Variants in SH3RF3 observed in about 807,000 individuals in gnomAD.
SH3RF3 encodes the protein SH3 domain containing ring finger 3, also known as E3 ubiquitin-protein ligase SH3RF3.
In SH3RF3, 29 loss-of-function variants were observed where a neutral mutation model predicts 66.3. The observed-to-expected ratio is 0.44, with a 90% CI of 0.33 to 0.60. The LOEUF is 0.60. Among genes scored for constraint, SH3RF3 ranks in the 20% least tolerant of loss-of-function variants. SH3RF3 has a pLI of 0.04. For synonymous variants in SH3RF3, 583 were observed against 532.0 expected (o/e 1.10, Z -1.32); for missense variants, 1,194 against 1,190.9 (o/e 1.00, Z -0.04).
At chr2:109,346,011 G>A (rs1372391802) in intron 1 of SH3RF3, among the ~76,000 whole-genome samples, 1 of 152,232 alleles carries the variant, frequency 6.6e-6, no homozygotes, top group African/African-American at 2.4e-5. Flanking sequence ...CTGTGTGGCA[G>A]TGGAATTATT....
At chr2:109,312,471 C>T (rs1681753174) in intron 1 of SH3RF3, among the ~76,000 whole-genome samples, 1 of 152,086 alleles carries the variant, frequency 6.6e-6, no homozygotes, top group African/African-American at 2.4e-5. Flanking sequence ...CAGAAGTTTC[C>T]TTTTGGGAAG....
intron 1 of SH3RF3, among the ~76,000 whole-genome samples, chr2:109,235,814 C>T (rs1679633826): frequency 6.6e-6 from 1 of 152,226 alleles, no homozygotes; most frequent in Non-Finnish European, 1.5e-5. Flanking sequence ...GTGCACTCGG[C>T]ACCAGGGTGG....
At chr2:109,479,201 G>A (rs1051098088) in intron 8 of SH3RF3, among the ~76,000 whole-genome samples, 3 of 152,164 alleles carry the variant, frequency 2.0e-5, no homozygotes, top group Non-Finnish European at 4.4e-5. Flanking sequence ...TCAGGGTCAC[G>A]CAGTGGCATC....
intron 4 of SH3RF3, among the ~76,000 whole-genome samples, chr2:109,412,743 CTT>C (rs149764878): frequency 0.013 from 1,909 of 152,344 alleles, 45 homozygotes; most frequent in African/African-American, 0.044. Flanking sequence ...ACCATTGTCA[CTT>C]GATATTAAAG....
At chr2:109,392,748 C>G (rs966918011) in intron 3 of SH3RF3, among the ~76,000 whole-genome samples, 37 of 152,218 alleles carry the variant, frequency 2.4e-4, no homozygotes, top group African/African-American at 8.4e-4. Flanking sequence ...ATCTCCTGAC[C>G]TTGTGATCCG....
At chr2:109,432,369 A>G (rs1311620657) in intron 5 of SH3RF3, 132 bp from the exon 6 acceptor site, 19 of 1,158,100 alleles carry the variant, frequency 1.6e-5, no homozygotes, top group Non-Finnish European at 1.2e-6. Context: ...TGTAAACTGC[A>G]GAGCCCCCAT....
At chr2:109,282,225 T>C (rs1412178926) in intron 1 of SH3RF3, among the ~76,000 whole-genome samples, 1 of 152,170 alleles carries the variant, frequency 6.6e-6, no homozygotes, top group Non-Finnish European at 1.5e-5. Context: ...ACCTGCATCT[T>C]TCCTTTACAC....
At chr2:109,321,139 G>T (rs532360288) in intron 1 of SH3RF3, among the ~76,000 whole-genome samples, 15 of 152,230 alleles carry the variant, frequency 9.9e-5, no homozygotes, top group Admixed American at 2.0e-4. Context: ...CACACAAGAC[G>T]CCATGTGCAT....
chr2:109,428,255 GA>G (rs1677090893), intron 5 of SH3RF3, among the ~76,000 whole-genome samples: 1 of 152,262 alleles, frequency 6.6e-6, no homozygotes, highest in Non-Finnish European at 1.5e-5. Context: ...ATCTAGAGGA[GA>G]AAGGGGATGA....
intron 8 of SH3RF3, 112 bp from the exon 9 acceptor site, chr2:109,490,492 AT>A (rs1211904296): frequency 2.1e-6 from 2 of 951,070 alleles, no homozygotes; most frequent in African/African-American, 1.7e-5. Flanking sequence ...GTCTGAAAAA[AT>A]AAGAAATTTA....
At chr2:109,146,798 C>A (rs1183616344) in intron 1 of SH3RF3, among the ~76,000 whole-genome samples, 2 of 97,972 alleles carry the variant, frequency 2.0e-5, no homozygotes, top group East Asian at 2.8e-4. Flanking sequence ...GTGCCCCCCC[C>A]ATTCCTTCTG....
chr2:109,230,012 G>C (rs141230942), intron 1 of SH3RF3, among the ~76,000 whole-genome samples: 4,784 of 151,810 alleles, frequency 0.032, 217 homozygotes, highest in African/African-American at 0.1. Context: ...ATTTAGTAGA[G>C]ACAGGGTTTC....
rs748724543 is a variant in SH3RF3, at chr2:109,129,941, G to A, written c.401G>A (p.Ser134Asn). ...RPRAGTSPGGSPPARPIPGQS... is the reference protein window; with the variant it reads ...RPRAGTSPGGNPPARPIPGQS... ...CGCGCGGGCACCAGCCCCGGCGGCAGCCCGCCCGCGCGTCCCATCCCAGGC... is the reference window on the plus strand; with the variant it reads ...CGCGCGGGCACCAGCCCCGGCGGCAACCCGCCCGCGCGTCCCATCCCAGGC... Residue 134 changes from serine to asparagine, a missense_variant, in exon 1 of 10, where the codon AGC becomes AAC. Coordinates refer to ENST00000309415, the MANE Select transcript of SH3RF3 (RefSeq NM_001099289.3). 6.8e-7 allele frequency: 1 copy of A among 1,472,712 alleles called. No homozygotes were observed. The highest frequency in any genetic ancestry group is 1.3e-5 in the South Asian group (1 of 75,380). 91.2% of individuals were successfully genotyped at this position (1,472,712 alleles called of 1,614,324 possible).
chr2:109,413,818 C>G (rs1676655225), intron 4 of SH3RF3, among the ~76,000 whole-genome samples: 1 of 152,170 alleles, frequency 6.6e-6, no homozygotes, highest in South Asian at 2.1e-4. Context: ...GTCCACTGGC[C>G]CAAGCCAGGA....
chr2:109,250,294 T>C (rs1184127224), intron 1 of SH3RF3, among the ~76,000 whole-genome samples: 2 of 152,112 alleles, frequency 1.3e-5, no homozygotes, highest in African/African-American at 4.8e-5. Context: ...ATCTCGCCCA[T>C]TGCTGGTTGG....
intron 8 of SH3RF3, among the ~76,000 whole-genome samples, chr2:109,453,696 C>A (rs552161366): frequency 1.3e-5 from 2 of 152,216 alleles, no homozygotes. Flanking sequence ...GAAAGGTCAA[C>A]CCTGGCCTGG....
At chr2:109,439,775 C>G (rs1677509371) in intron 7 of SH3RF3, among the ~76,000 whole-genome samples, 2 of 151,880 alleles carry the variant, frequency 1.3e-5, no homozygotes, top group Admixed American at 1.3e-4. Context: ...AGGCACCCTG[C>G]AGGGGTCTGG....
rs937787897 is a variant in SH3RF3, at chr2:109,490,837, A to G, written c.2381A>G (p.Lys794Arg). ...ATGGGGATGGAGCCTCTGCACAGGA[A>G]GGCAGGCTCCTTGGATCTAAACTTC... ...GAMGMEPLHR[K>R]AGSLDLNFTS... Residue 794 changes from lysine to arginine, a missense_variant, in exon 9 of 10, where the codon AAG (lysine) becomes AGG (arginine). Lys to Arg is a conservative substitution (Grantham distance 26). Coordinates refer to ENST00000309415, the MANE Select transcript of SH3RF3 (RefSeq NM_001099289.3). The G allele has an allele frequency of 6.5e-7, 1 of 1,536,660 alleles. No individual in the cohort carries two copies. The highest frequency in any genetic ancestry group is 1.4e-5 in the African/African-American group (1 of 73,036).
At chr2:109,297,760 A>G (rs974253073) in intron 1 of SH3RF3, among the ~76,000 whole-genome samples, 2 of 148,672 alleles carry the variant, frequency 1.3e-5, no homozygotes, top group East Asian at 2.0e-4. Context: ...TTATCCAGTC[A>G]GTGCCTCCCA....
Sources: gnomAD v4.1 joint callset for allele counts (sites outside exome capture counted in the v4.1 genomes callset) on GRCh38, gnomAD v4.1.1 for gene constraint, MANE v1.5 for transcripts, NCBI Gene and HGNC (gene_info 2026-07-23, HGNC 2026-07-21) for gene names.